Variants in MYO5C observed in about 807,000 individuals in gnomAD.
MYO5C encodes unconventional myosin-Vc.
MYO5C carries 194 observed loss-of-function variants against 235.7 expected under a neutral mutation model. The observed-to-expected ratio is 0.82, with a 90% CI of 0.73 to 0.93. The LOEUF (loss-of-function observed/expected upper bound fraction) is 0.93. Among genes scored for constraint, MYO5C ranks in the 40% least tolerant of loss-of-function variants. The probability of loss-of-function intolerance (pLI) is 0.00; values close to 1 mark genes in which losing one functional copy is unlikely to be tolerated. For synonymous variants in MYO5C, 707 were observed against 754.8 expected (o/e 0.94, Z 1.04); for missense variants, 2,038 against 2,127.2 (o/e 0.96, Z 0.82).
rs2035436304 is a variant in MYO5C at position 52,211,276 on chromosome 15, TACTA to T, written c.4296+450_4296+453del. Among the ~76,000 whole-genome samples, 3 of 152,374 alleles carry T rather than the reference TACTA, an allele frequency of 2.0e-5. No individual in the cohort carries two copies. In the South Asian group the frequency reaches 6.2e-4, roughly 32 times the overall value. ...TCTCATAGCTACAATAGCTTAACTT[TACTA>T]AGTAACTAACCTAACTAATACACAG... On this transcript the variant is annotated intron_variant, in intron 35 of 40. Coordinates refer to ENST00000261839, the MANE Select transcript of MYO5C (RefSeq NM_018728.4).
At chr15:52,276,060 AT>A (rs1331861348) in intron 4 of MYO5C, among the ~76,000 whole-genome samples, 1 of 151,752 alleles carries the variant, frequency 6.6e-6, no homozygotes, top group Non-Finnish European at 1.5e-5. Context: ...TTCACCTCTC[AT>A]TTCATCTCTC....
In MYO5C at chr15:52,256,865, T is replaced by C. The variant is rs2036596399; in HGVS notation, c.1314-145A>G. ...TACCCCTCAAAGCTTCTGGTTTTAA[T>C]GATATCCTAGTAGTCAGTTTATAAA... On this transcript the variant is annotated intron_variant, in intron 10 of 40. Transcript: ENST00000261839. The C allele has an allele frequency of 4.8e-6, 3 of 622,816 alleles. 1 individual carries two copies. The Admixed American group carries it at 8.7e-5, about 18-fold the overall frequency. 38.6% of individuals were successfully genotyped at this position (622,816 alleles called of 1,614,324 possible). A position where few individuals can be genotyped will look rare whatever the true frequency, so the allele number is the denominator to read the frequency against.
At chr15:52,242,283 C>A in intron 19 of MYO5C, 70 bp from the exon 20 acceptor site, 2 of 1,494,822 alleles carry the variant, frequency 1.3e-6, no homozygotes, top group Non-Finnish European at 1.8e-6. Flanking sequence ...GAGCTGCAAG[C>A]TTGGCTAGCA....
At chr15:52,290,581 C>T (rs1415548293) in intron 1 of MYO5C, among the ~76,000 whole-genome samples, 2 of 146,414 alleles carry the variant, frequency 1.4e-5, no homozygotes, top group Admixed American at 1.4e-4. Flanking sequence ...TGTCACTACA[C>T]AGTCATAACC....
Position 52,204,979 on chromosome 15 carries a change from G to C in MYO5C, c.4706C>G (p.Pro1569Arg). 7.4e-6 allele frequency: 12 copies of C among 1,614,240 alleles called. No individual in the cohort carries two copies. The highest frequency in any genetic ancestry group is 1.0e-5 in the Non-Finnish European group (12 of 1,180,032). ...YTTMCQNGLDPELVRQAVKQL... is the reference protein window; with the variant it reads ...YTTMCQNGLDRELVRQAVKQL... The stretch of plus-strand genomic sequence containing the variant: ...CTTCACCGCCTGCCTCACAAGCTCG[G>C]GGTCCAGGCCGTTCTGGCACATGGT... Residue 1569 changes from proline (P) to arginine (R), a missense_variant, in exon 38 of 41, where the codon CCC (proline) becomes CGC (arginine). By Grantham distance (103) the Pro-to-Arg change is moderately radical. Coordinates refer to ENST00000261839, the MANE Select transcript of MYO5C (RefSeq NM_018728.4).
chr15:52,263,082 C>G (rs2140829434), intron 9 of MYO5C, among the ~76,000 whole-genome samples: 1 of 152,286 alleles, frequency 6.6e-6, no homozygotes, highest in East Asian at 1.9e-4. Context: ...ACCGACCAGG[C>G]TGACACTCTG....
At chr15:52,279,714 G>T (rs1328439166) in intron 2 of MYO5C, 40 bp from the exon 3 acceptor site, 3 of 1,576,084 alleles carry the variant, frequency 1.9e-6, no homozygotes, top group Non-Finnish European at 1.7e-6. Context: ...GGAAATAAAA[G>T]ATTTTTGGTG....
chr15:52,262,756 C>T (rs967465107), intron 9 of MYO5C, among the ~76,000 whole-genome samples: 1 of 152,194 alleles, frequency 6.6e-6, no homozygotes, highest in African/African-American at 2.4e-5. Flanking sequence ...AGCAGACAGC[C>T]AAGAACTCAC....
At chr15:52,221,362 T>C (rs2035681506) in intron 29 of MYO5C, 107 bp from the exon 30 acceptor site, 2 of 770,354 alleles carry the variant, frequency 2.6e-6, no homozygotes, top group Non-Finnish European at 4.0e-6. Flanking sequence ...GCAGAACAGA[T>C]AGCTGTGTAA....
intron 11 of MYO5C, among the ~76,000 whole-genome samples, chr15:52,253,789 C>A (rs1312748291): frequency 5.3e-5 from 8 of 152,222 alleles, no homozygotes; most frequent in Admixed American, 4.6e-4. Flanking sequence ...CAGATCCAGC[C>A]TCTTTGGCCT....
intron 8 of MYO5C, among the ~76,000 whole-genome samples, chr15:52,266,497 C>T (rs1024740031): frequency 2.6e-5 from 4 of 152,194 alleles, no homozygotes; most frequent in African/African-American, 4.8e-5. Context: ...GGGATCTCAG[C>T]AGCAGAAATG....
chr15:52,247,427 G>T (rs1238668280), intron 15 of MYO5C, 31 bp downstream of exon 15: 1 of 1,611,148 alleles, frequency 6.2e-7, no homozygotes, highest in Non-Finnish European at 8.5e-7. Context: ...CCTGCCTTTA[G>T]ACCCCTCACT....
chr15:52,214,189 G>A lies in MYO5C; in HGVS notation c.4042+414C>T, dbSNP rs565244261. On this transcript the variant is annotated intron_variant, in intron 33 of 40. Coordinates refer to ENST00000261839, the MANE Select transcript of MYO5C (RefSeq NM_018728.4). ...CACGAGGATGCTTTATGTGTGCCAT[G>A]CAGTCCATGTTCAGGATGTCTGCTT... Among the ~76,000 whole-genome samples, 315 of 152,290 alleles carry A rather than the reference G, an allele frequency of 2.1e-3. 1 individual carries two copies. Among genetic ancestry groups the A allele is most frequent in the Non-Finnish European group, 3.4e-3 (233 of 68,028 alleles).
intron 4 of MYO5C, chr15:52,277,761 G>A (rs532198684): frequency 4.5e-6 from 2 of 445,550 alleles, no homozygotes; most frequent in African/African-American, 2.0e-5. Flanking sequence ...CACGGCACCG[G>A]GTCTCTGATG....
At chr15:52,268,796 G>A (rs921445280) in intron 8 of MYO5C, among the ~76,000 whole-genome samples, 4 of 152,180 alleles carry the variant, frequency 2.6e-5, no homozygotes, top group Non-Finnish European at 5.9e-5. Flanking sequence ...CACCTGTGCC[G>A]GCATCTGAGC....
chr15:52,256,591 G>A lies in MYO5C; in HGVS notation c.1395+48C>T, dbSNP rs201543105. 4.7e-3 allele frequency: 5,058 copies of A among 1,085,972 alleles called. 83 individuals carry two copies. The African/African-American group carries it at 0.084, about 18-fold the overall frequency. The allele number at this position is 1,085,972 out of a possible 1,614,324, so 67.3% of individuals were successfully genotyped here. ...CACACACACACACACACACACACGC[G>A]CGCGCGCGCGGCTGAGAACTAGTCA... On this transcript the variant is annotated intron_variant, in intron 11 of 40. Transcript: ENST00000261839.
In MYO5C at chr15:52,208,581, A is replaced by G. The variant is rs779444355; in HGVS notation, c.4359T>C (p.Asn1453=). Residue 1453 remains asparagine, a synonymous_variant, in exon 36 of 41, where the codon AAT becomes AAC. Transcript: ENST00000261839. ...CTTCTCCGCTGTACTGCTTCAGGCA[A>G]TTGAGAAAATGACAAGTGTTGGAAA... ...FWLSNTCHFL[N]CLKQYSGEEE... is the part of the protein sequence containing the mutation. The G allele has an allele frequency of 2.5e-6, 4 of 1,614,092 alleles. No homozygotes were observed. The highest frequency in any genetic ancestry group is 1.3e-5 in the African/African-American group (1 of 74,952).
chr15:52,251,349 G>C (rs771817923), intron 13 of MYO5C, 41 bp downstream of exon 13: 41 of 1,551,936 alleles, frequency 2.6e-5, no homozygotes, highest in Non-Finnish European at 3.3e-5. Flanking sequence ...AGGCTGTACA[G>C]GTTCCGGGGT....
Position 52,291,585 on chromosome 15 carries a change from G to A in MYO5C, c.27+4025C>T, listed in dbSNP as rs117044405. Among the ~76,000 whole-genome samples the A allele has an allele frequency of 8.0e-4, 122 of 151,928 alleles. 1 individual carries two copies. In the East Asian group the frequency reaches 0.018, roughly 23 times the overall value. On this transcript the variant is annotated intron_variant, in intron 1 of 40. Coordinates refer to ENST00000261839, the MANE Select transcript of MYO5C (RefSeq NM_018728.4). ...ACAGTTCTACCCAAACAGAAACGAC[G>A]CCAGGGACCAAAACTAGCGGCCAAA...
Sources: gnomAD v4.1 joint callset for allele counts (sites outside exome capture counted in the v4.1 genomes callset) on GRCh38, gnomAD v4.1.1 for gene constraint, MANE v1.5 for transcripts, NCBI Gene and HGNC (gene_info 2026-07-23, HGNC 2026-07-21) for gene names.